The following ATAD2B variants were observed in gnomAD, a reference collection of about 807,000 sequenced individuals.
ATAD2B encodes ATPase family AAA domain containing 2B, also known as ATPase family AAA domain-containing protein 2B.
In ATAD2B, 40 loss-of-function variants were observed where a neutral mutation model predicts 167.6. The ratio of observed to expected loss-of-function variants is 0.24; its 90% CI spans 0.19 to 0.31. The LOEUF is 0.31. Ranked by LOEUF, ATAD2B falls within the 10% of genes least tolerant of loss-of-function variation. ATAD2B has a pLI of 1.00. For missense variants in ATAD2B, 1,242 were observed against 1,757.2 expected (o/e 0.71, Z 5.24); for synonymous variants, 579 against 596.5 (o/e 0.97, Z 0.43).
In ATAD2B at chr2:23,825,393, G is replaced by A. The variant is rs771014213; in HGVS notation, c.1820-1824C>T. Among the ~76,000 whole-genome samples the A allele has an allele frequency of 3.4e-4, 52 of 152,150 alleles. 1 individual carries two copies. Among genetic ancestry groups the A allele is most frequent in the African/African-American group, 1.0e-3 (43 of 41,518 alleles). Reference sequence around the variant, plus strand: ...ATTCAGAAGACTATAAGCAGATTACGCATTAACATTGTTCCATGACAGTGA... The same window carrying A: ...ATTCAGAAGACTATAAGCAGATTACACATTAACATTGTTCCATGACAGTGA... On this transcript the variant is annotated intron_variant, in intron 15 of 27. Transcript: ENST00000238789.
At chr2:23,873,644 GT>G (rs1351468160) in intron 8 of ATAD2B, among the ~76,000 whole-genome samples, 1 of 152,084 alleles carries the variant, frequency 6.6e-6, no homozygotes, top group Non-Finnish European at 1.5e-5. Flanking sequence ...TATTGTTGGG[GT>G]TTTTTCTCAA....
chr2:23,685,675 A>G, the ATAD2B span, among the ~76,000 whole-genome samples: 13 of 152,064 alleles, frequency 8.5e-5, no homozygotes, highest in African/African-American at 3.1e-4. Flanking sequence ...GGGACTTCCC[A>G]TCTCATGGAC....
intron 1 of ATAD2B, among the ~76,000 whole-genome samples, chr2:23,915,458 T>C (rs1348424250): frequency 6.9e-6 from 1 of 145,874 alleles, no homozygotes; most frequent in Non-Finnish European, 1.5e-5. Flanking sequence ...AAAAAAAAAA[T>C]CCAACTCACT....
At chr2:23,790,363 T>C (rs918680545) in intron 19 of ATAD2B, among the ~76,000 whole-genome samples, 12 of 152,156 alleles carry the variant, frequency 7.9e-5, no homozygotes, top group African/African-American at 2.4e-4. Context: ...CTTATATCAA[T>C]TGGGTCTTGA....
chr2:23,703,965 C>T, the ATAD2B span: 1 of 1,332,272 alleles, frequency 7.5e-7, no homozygotes, highest in Non-Finnish European at 1.0e-6. Context: ...TAGCAATTCC[C>T]AGGCCCAGAG....
intron 20 of ATAD2B, 96 bp from the exon 21 acceptor site, chr2:23,786,319 CA>C: frequency 1.0e-6 from 1 of 1,002,986 alleles, no homozygotes; most frequent in Non-Finnish European, 1.4e-6. Context: ...AAAAGAATTA[CA>C]AATACAGTCA....
intron 14 of ATAD2B, 75 bp downstream of exon 14, chr2:23,833,844 A>G: frequency 8.7e-7 from 1 of 1,148,148 alleles, no homozygotes; most frequent in Non-Finnish European, 1.2e-6. Flanking sequence ...AATTCATAAA[A>G]TATCACCCTC....
At chr2:23,688,232 A>G in the ATAD2B span, among the ~76,000 whole-genome samples, 1 of 152,210 alleles carries the variant, frequency 6.6e-6, no homozygotes, top group Admixed American at 6.5e-5. Flanking sequence ...GACTGGGTGC[A>G]TGCCCATGCG....
At chr2:23,703,798 C>G in the ATAD2B span, 2 of 1,537,520 alleles carry the variant, frequency 1.3e-6, no homozygotes, top group Non-Finnish European at 1.7e-6. Flanking sequence ...CTACCACCAT[C>G]TACGACCCTG....
At chr2:23,917,032 A>C (rs1703139364) in intron 1 of ATAD2B, among the ~76,000 whole-genome samples, 1 of 152,104 alleles carries the variant, frequency 6.6e-6, no homozygotes, top group African/African-American at 2.4e-5. Flanking sequence ...TAATGATACA[A>C]CTCCAGGAGT....
chr2:23,907,747 G>A (rs1445760669), intron 1 of ATAD2B, among the ~76,000 whole-genome samples: 2 of 152,128 alleles, frequency 1.3e-5, no homozygotes, highest in Non-Finnish European at 2.9e-5. Flanking sequence ...TGTATTACAA[G>A]GCTACAGTAA....
At chr2:23,706,937 A>G in the ATAD2B span, 15 of 338,264 alleles carry the variant, frequency 4.4e-5, no homozygotes, top group Non-Finnish European at 8.0e-5. Flanking sequence ...GCCAGGTGCA[A>G]TAGAGTTTCA....
chr2:23,719,941 C>A, the ATAD2B span, among the ~76,000 whole-genome samples: 1 of 152,348 alleles, frequency 6.6e-6, no homozygotes, highest in South Asian at 2.1e-4. Flanking sequence ...TCATCCCACA[C>A]GTCCCCTGGG....
intron 2 of ATAD2B, among the ~76,000 whole-genome samples, chr2:23,891,737 C>T (rs374678342): frequency 2.4e-4 from 37 of 152,034 alleles, no homozygotes; most frequent in African/African-American, 8.9e-4. Flanking sequence ...GATACCCCCC[C>T]GCCCCGACCC....
chr2:23,876,633 GT>G (rs1208646425), intron 7 of ATAD2B, among the ~76,000 whole-genome samples: 1 of 152,120 alleles, frequency 6.6e-6, no homozygotes, highest in East Asian at 1.9e-4. Flanking sequence ...CTAGTCATGT[GT>G]TTTCAAGTAC....
chr2:23,825,084 C>T (rs1158054862), intron 15 of ATAD2B, among the ~76,000 whole-genome samples: 3 of 150,684 alleles, frequency 2.0e-5, no homozygotes, highest in Non-Finnish European at 2.9e-5. Flanking sequence ...GCTGAGACTA[C>T]AGTGTGTGCC....
At chr2:23,836,001 C>G (rs1293153218) in intron 13 of ATAD2B, among the ~76,000 whole-genome samples, 1 of 150,380 alleles carries the variant, frequency 6.6e-6, no homozygotes, top group Admixed American at 6.6e-5. Flanking sequence ...GGTCGCTTTT[C>G]TGGCTGGAAA....
At chr2:23,685,238 C>T in the ATAD2B span, 1 of 39,544 alleles carries the variant, frequency 2.5e-5, no homozygotes, top group African/African-American at 1.1e-4. Context: ...GGTGCATGAG[C>T]ATCTTTTTTT....
chr2:23,702,802 G>A, the ATAD2B span, among the ~76,000 whole-genome samples: 1 of 152,230 alleles, frequency 6.6e-6, no homozygotes, highest in African/African-American at 2.4e-5. Context: ...CATCCAGCAC[G>A]TTTCTCCAGT....
Sources: allele counts gnomAD v4.1 joint callset (sites outside exome capture counted in the v4.1 genomes callset), GRCh38; gene constraint gnomAD v4.1.1; transcripts MANE v1.5; gene names NCBI Gene and HGNC (gene_info 2026-07-23, HGNC 2026-07-21).